Variants in SAMSN1 observed in about 807,000 individuals in gnomAD.
SAMSN1 encodes SAM domain, SH3 domain and nuclear localization signals 1.
SAMSN1 carries 31 observed loss-of-function variants against 42.0 expected under a neutral mutation model. That is an observed-to-expected ratio of 0.74 (90% CI 0.55 to 1.00). The LOEUF is 1.00. Among genes scored for constraint, SAMSN1 ranks in the 50% least tolerant of loss-of-function variants. The pLI is 0.00. For missense variants in SAMSN1, 464 were observed against 439.4 expected, an observed-to-expected ratio of 1.06 and a Z score of -0.50; for synonymous variants, 178 against 151.9, an observed-to-expected ratio of 1.17 and a Z score of -1.26.
intron 1 of SAMSN1, among the ~76,000 whole-genome samples, chr21:14,535,656 G>C (rs575697126): frequency 6.6e-6 from 1 of 152,132 alleles, no homozygotes; most frequent in East Asian, 1.9e-4. Context: ...GACCTAATCC[G>C]TTCCTACTGG....
intron 1 of SAMSN1, among the ~76,000 whole-genome samples, chr21:14,649,562 G>A (rs184015183): frequency 3.0e-4 from 45 of 152,232 alleles, no homozygotes; most frequent in African/African-American, 1.0e-3. Flanking sequence ...CTGAGGTCAC[G>A]AGTTTCAGAC....
At chr21:14,628,086 A>C (rs1252487513) in intron 2 of SAMSN1, among the ~76,000 whole-genome samples, 2 of 152,186 alleles carry the variant, frequency 1.3e-5, no homozygotes, top group Non-Finnish European at 2.9e-5. Flanking sequence ...TAAGACTTAA[A>C]AATATCAATT....
intron 2 of SAMSN1, among the ~76,000 whole-genome samples, chr21:14,552,895 T>C (rs886407036): frequency 2.0e-5 from 3 of 152,074 alleles, no homozygotes; most frequent in Admixed American, 1.3e-4. Context: ...TTCTACAATA[T>C]TGTTCTTTTC....
chr21:14,546,089 C>T, intron 1 of SAMSN1, 116 bp downstream of exon 1: 1 of 871,162 alleles, frequency 1.1e-6, no homozygotes, highest in Non-Finnish European at 1.8e-6. Flanking sequence ...GGCATTAAAC[C>T]CTATGTTTGA....
chr21:14,623,158 C>T (rs748703994), intron 2 of SAMSN1, among the ~76,000 whole-genome samples: 1 of 152,134 alleles, frequency 6.6e-6, no homozygotes, highest in African/African-American at 2.4e-5. Flanking sequence ...CCAGCCACTG[C>T]AAAAACATGA....
chr21:14,622,924 A>C (rs1983053803), intron 2 of SAMSN1, among the ~76,000 whole-genome samples: 1 of 152,222 alleles, frequency 6.6e-6, no homozygotes, highest in Non-Finnish European at 1.5e-5. Flanking sequence ...CGGACCTCTC[A>C]GCAGAAACTC....
chr21:14,621,354 C>T (rs962016300), intron 2 of SAMSN1, among the ~76,000 whole-genome samples: 4 of 152,200 alleles, frequency 2.6e-5, no homozygotes, highest in African/African-American at 7.2e-5. Context: ...GGCATCGCCT[C>T]ACCTGGGAAG....
intron 2 of SAMSN1, among the ~76,000 whole-genome samples, chr21:14,577,044 G>GT (rs1568815753): frequency 1.1e-5 from 1 of 94,444 alleles, no homozygotes; most frequent in African/African-American, 4.6e-5. Context: ...GATTGCATCC[G>GT]TTTCTTTTTT....
intron 7 of SAMSN1, 103 bp downstream of exon 7, chr21:14,498,339 T>A (rs1322810711): frequency 3.1e-6 from 3 of 981,572 alleles, no homozygotes; most frequent in African/African-American, 1.7e-5. Flanking sequence ...AAAGCGTGCT[T>A]TCATGATCTC....
At chr21:14,596,688 G>A (rs1285932232) in intron 6 of SAMSN1, among the ~76,000 whole-genome samples, 1 of 152,126 alleles carries the variant, frequency 6.6e-6, no homozygotes, top group East Asian at 1.9e-4. Context: ...AAAGTGGCAA[G>A]GGACCTATCC....
chr21:14,520,644 C>T (rs1431615565), intron 2 of SAMSN1, among the ~76,000 whole-genome samples: 1 of 152,148 alleles, frequency 6.6e-6, no homozygotes, highest in African/African-American at 2.4e-5. Context: ...CCTAAAACAG[C>T]TTGAAGGCTG....
intron 1 of SAMSN1, among the ~76,000 whole-genome samples, chr21:14,531,283 G>T (rs188945889): frequency 2.6e-5 from 4 of 152,022 alleles, no homozygotes; most frequent in East Asian, 1.9e-4. Context: ...TCTATTTGTT[G>T]TACTGTTAAT....
At chr21:14,591,455 C>T (rs957349158) in intron 7 of SAMSN1, 2 of 152,064 alleles carry the variant, frequency 1.3e-5, no homozygotes, top group Non-Finnish European at 1.5e-5. Context: ...TGTTCCTGTC[C>T]CCCTCACTGC....
intron 1 of SAMSN1, among the ~76,000 whole-genome samples, chr21:14,521,663 C>A (rs1198547861): frequency 6.6e-6 from 1 of 152,006 alleles, no homozygotes; most frequent in Non-Finnish European, 1.5e-5. Context: ...GTAGATCCAC[C>A]ATTACGCCTC....
intron 3 of SAMSN1, among the ~76,000 whole-genome samples, chr21:14,516,638 C>A (rs780289211): frequency 6.6e-6 from 1 of 152,120 alleles, no homozygotes; most frequent in Admixed American, 6.5e-5. Flanking sequence ...GTGATCTTCC[C>A]GCCACGGCCT....
intron 7 of SAMSN1, among the ~76,000 whole-genome samples, chr21:14,488,048 G>A (rs1008289850): frequency 6.6e-6 from 1 of 151,952 alleles, no homozygotes; most frequent in African/African-American, 2.4e-5. Flanking sequence ...ATTCTCTGAA[G>A]AATTGCTTTC....
intron 2 of SAMSN1, among the ~76,000 whole-genome samples, chr21:14,517,954 A>G (rs1228887092): frequency 1.3e-5 from 2 of 152,178 alleles, no homozygotes; most frequent in Non-Finnish European, 2.9e-5. Context: ...GACCAGCGGC[A>G]TTAACATCAC....
At chr21:14,512,325 T>G in intron 4 of SAMSN1, 119 bp downstream of exon 4, 1 of 1,008,622 alleles carries the variant, frequency 9.9e-7, no homozygotes, top group Non-Finnish European at 1.5e-6. Context: ...ATATCTTACA[T>G]TTTTACCATT....
chr21:14,600,591 T>G (rs1042406724), intron 6 of SAMSN1, among the ~76,000 whole-genome samples: 5 of 152,190 alleles, frequency 3.3e-5, no homozygotes, highest in African/African-American at 1.2e-4. Flanking sequence ...AGATTTATCT[T>G]TAACCATTTT....
Sources: allele counts gnomAD v4.1 joint callset (sites outside exome capture counted in the v4.1 genomes callset), GRCh38; gene constraint gnomAD v4.1.1; transcripts MANE v1.5; gene names NCBI Gene and HGNC (gene_info 2026-07-23, HGNC 2026-07-21).